PCDH15: variants seen among roughly 807,000 people sequenced by gnomAD.
PCDH15 encodes protocadherin related 15.
In PCDH15, 129 loss-of-function variants were observed where a neutral mutation model predicts 178.5. The ratio of observed to expected loss-of-function variants is 0.72; its 90% CI spans 0.63 to 0.84. PCDH15 has a LOEUF of 0.84. Among genes scored for constraint, PCDH15 ranks in the 40% least tolerant of loss-of-function variants. The pLI is 0.00. For missense variants in PCDH15, 2,230 were observed against 2,099.9 expected (o/e 1.06, Z -1.21); for synonymous variants, 800 against 732.0 (o/e 1.09, Z -1.50).
intron 15 of PCDH15, among the ~76,000 whole-genome samples, chr10:54,122,761 C>A (rs141446371): frequency 1.1e-4 from 16 of 151,628 alleles, no homozygotes; most frequent in Middle Eastern, 3.4e-3. Flanking sequence ...TAACTAAGAG[C>A]CAAATCAAGA....
intron 3 of PCDH15, among the ~76,000 whole-genome samples, chr10:54,427,704 A>G (rs1022205165): frequency 6.6e-6 from 1 of 152,308 alleles, no homozygotes. Flanking sequence ...TTCTTTTACA[A>G]TAAAAAGGTA....
chr10:55,366,757 T>C (rs1845370312), intron 2 of PCDH15, among the ~76,000 whole-genome samples: 1 of 152,176 alleles, frequency 6.6e-6, no homozygotes, highest in Non-Finnish European at 1.5e-5. Flanking sequence ...AGCTCAGAAG[T>C]ACTGTAGCAG....
intron 32 of PCDH15, chr10:53,823,431 A>G: frequency 7.4e-7 from 1 of 1,358,776 alleles, no homozygotes; most frequent in East Asian, 2.3e-5. Context: ...AGATGTTTTT[A>G]TGGCTCTCAT....
At chr10:54,770,138 G>T (rs1948930746) in intron 1 of PCDH15, among the ~76,000 whole-genome samples, 1 of 152,090 alleles carries the variant, frequency 6.6e-6, no homozygotes, top group Admixed American at 6.6e-5. Flanking sequence ...CTATCAGAAA[G>T]AGCTGCTCTA....
Position 54,069,496 on chromosome 10 carries a change from T to C in PCDH15, c.2092-2611A>G, listed in dbSNP as rs144482109. ...ATTTCTTACTGAATTTTATATGACA[T>C]GAAAAAAATCCATGTCTTACAGAAA... On this transcript the variant is annotated intron_variant, in intron 17 of 37. Transcript: ENST00000644397. 5.9e-3 allele frequency among the ~76,000 whole-genome samples: 901 copies of C among 152,290 alleles called. 13 individuals are homozygous for C. Among genetic ancestry groups the C allele is most frequent in the African/African-American group, 0.021 (858 of 41,568 alleles).
chr10:55,073,472 C>T (rs1002814038), intron 2 of PCDH15, among the ~76,000 whole-genome samples: 9 of 152,058 alleles, frequency 5.9e-5, no homozygotes, highest in Non-Finnish European at 1.2e-4. Flanking sequence ...AAACAGAGAG[C>T]CAAATCATGA....
intron 15 of PCDH15, among the ~76,000 whole-genome samples, chr10:54,116,891 C>T (rs547542224): frequency 1.1e-4 from 17 of 151,504 alleles, no homozygotes; most frequent in African/African-American, 4.1e-4. Context: ...TTAAATGCAC[C>T]CTTTATAACA....
chr10:54,379,252 C>G (rs1325077181), intron 3 of PCDH15, among the ~76,000 whole-genome samples: 1 of 152,018 alleles, frequency 6.6e-6, no homozygotes, highest in East Asian at 1.9e-4. Context: ...GGAGTTATCA[C>G]TGAATTTTAT....
chr10:54,919,836 T>C (rs1250649377), intron 2 of PCDH15, among the ~76,000 whole-genome samples: 1 of 152,080 alleles, frequency 6.6e-6, no homozygotes, highest in Non-Finnish European at 1.5e-5. Flanking sequence ...GCAAATCTTA[T>C]ACAACCTTCC....
intron 21 of PCDH15, among the ~76,000 whole-genome samples, chr10:53,979,213 GC>G (rs1482584717): frequency 2.6e-5 from 4 of 152,140 alleles, no homozygotes; most frequent in Non-Finnish European, 5.9e-5. Context: ...GGCTGGGGAG[GC>G]CTCAGGAAAC....
intron 2 of PCDH15, among the ~76,000 whole-genome samples, chr10:54,568,349 A>G (rs545268327): frequency 1.3e-5 from 2 of 152,062 alleles, no homozygotes; most frequent in South Asian, 2.1e-4. Context: ...CCCACCACGC[A>G]TTCCCTCACA....
intron 16 of PCDH15, among the ~76,000 whole-genome samples, chr10:54,080,831 A>G (rs1325134524): frequency 3.3e-5 from 5 of 152,296 alleles, no homozygotes; most frequent in South Asian, 2.1e-4. Context: ...CCAGCTTCCT[A>G]CAGTACAGAA....
At chr10:54,608,076 C>T (rs2092824288) in intron 2 of PCDH15, 2 of 418,350 alleles carry the variant, frequency 4.8e-6, no homozygotes, top group Non-Finnish European at 9.1e-6. Flanking sequence ...TTGACAAATA[C>T]AGTAAAAGTG....
chr10:55,138,559 G>A (rs1198863689), intron 2 of PCDH15, among the ~76,000 whole-genome samples: 1 of 152,012 alleles, frequency 6.6e-6, no homozygotes, highest in Admixed American at 6.6e-5. Context: ...CTTCATTCGG[G>A]AGTCAATCTC....
At chr10:54,866,486 A>G (rs1156414867) in intron 3 of PCDH15, among the ~76,000 whole-genome samples, 4 of 152,194 alleles carry the variant, frequency 2.6e-5, no homozygotes, top group Non-Finnish European at 5.9e-5. Flanking sequence ...CCTTGTTGTT[A>G]GCACAAGAAT....
intron 1 of PCDH15, among the ~76,000 whole-genome samples, chr10:54,700,882 A>C (rs1451058512): frequency 6.6e-6 from 1 of 152,034 alleles, no homozygotes. Context: ...GATACTATAC[A>C]AGGTGGCCAT....
chr10:55,241,189 C>T lies in PCDH15; in HGVS notation c.-155-74538G>A, dbSNP rs1192289212. Reference sequence around the variant, plus strand: ...CGAGATCGTGCCACTGCACTCCAGCCTGGGCGACAGAGCAAGACTCCATGT... The same window carrying T: ...CGAGATCGTGCCACTGCACTCCAGCTTGGGCGACAGAGCAAGACTCCATGT... On this transcript the variant is annotated intron_variant, in intron 1 of 5. Coordinates refer to the PCDH15 transcript ENST00000458638. Among the ~76,000 whole-genome samples the T allele has an allele frequency of 2.0e-5, 3 of 152,126 alleles. No homozygotes were observed. The East Asian group carries it at 5.8e-4, about 29-fold the overall frequency.
intron 3 of PCDH15, among the ~76,000 whole-genome samples, chr10:54,813,323 C>A (rs1389106661): frequency 6.6e-6 from 1 of 152,206 alleles, no homozygotes; most frequent in Non-Finnish European, 1.5e-5. Context: ...GTGCAGATCT[C>A]CGTTCTCACA....
chr10:55,220,261 T>C (rs554600516), intron 1 of PCDH15, among the ~76,000 whole-genome samples: 66 of 152,158 alleles, frequency 4.3e-4, no homozygotes, highest in African/African-American at 1.5e-3. Flanking sequence ...CGAGATAACC[T>C]GATGTTTCCA....
Sources: allele counts gnomAD v4.1 joint callset (sites outside exome capture counted in the v4.1 genomes callset), GRCh38; gene constraint gnomAD v4.1.1; transcripts MANE v1.5; gene names NCBI Gene and HGNC (gene_info 2026-07-23, HGNC 2026-07-21).